Variants in BNC2 observed in about 807,000 individuals in gnomAD.
BNC2 encodes the protein zinc finger protein basonuclin-2.
A neutral mutation model predicts 76.3 loss-of-function variants in BNC2; 20 were observed. The observed-to-expected ratio is 0.26, with a 90% CI of 0.18 to 0.38. The LOEUF is 0.38. BNC2 is among the 10% of genes least tolerant of loss of function. The probability of loss-of-function intolerance (pLI) is 1.00; values close to 1 mark genes in which losing one functional copy is unlikely to be tolerated. For synonymous variants in BNC2, 582 were observed against 514.8 expected (o/e 1.13, Z -1.77); for missense variants, 1,382 against 1,399.8 (o/e 0.99, Z 0.20).
chr9:16,416,325 T>A lies in BNC2; in HGVS notation c.*2664A>T, dbSNP rs1452998488. The stretch of plus-strand genomic sequence containing the variant: ...TAATGTTTTGTTGGGATATTAAAAA[T>A]CTTTTCCCACCCTTTTTGAATCTAA... On this transcript the variant is annotated 3_prime_UTR_variant, in exon 7 of 7. Coordinates refer to ENST00000380672, the MANE Select transcript of BNC2 (RefSeq NM_017637.6). 1.3e-5 allele frequency: 2 copies of A among 152,624 alleles called. No homozygotes were observed. Among genetic ancestry groups the A allele is most frequent in the African/African-American group, 4.8e-5 (2 of 41,458 alleles). 9.5% of individuals were successfully genotyped at this position (152,624 alleles called of 1,614,324 possible). A position where few individuals can be genotyped will look rare whatever the true frequency, so the allele number is the denominator to read the frequency against.
chr9:16,777,058 G>A (rs1195431009), intron 1 of BNC2, among the ~76,000 whole-genome samples: 5 of 152,134 alleles, frequency 3.3e-5, no homozygotes, highest in South Asian at 2.1e-4. Context: ...CCTAGGAGGC[G>A]GAGGTTGCAG....
chr9:16,429,911 T>A (rs781694068), intron 6 of BNC2: 1 of 510,492 alleles, frequency 2.0e-6, no homozygotes, highest in South Asian at 1.4e-5. Context: ...AGGAGGTCAT[T>A]AGGAAGATCC....
chr9:16,657,554 G>C (rs935714437), intron 3 of BNC2, among the ~76,000 whole-genome samples: 1 of 152,152 alleles, frequency 6.6e-6, no homozygotes, highest in Non-Finnish European at 1.5e-5. Flanking sequence ...GTTCTGAATG[G>C]AAGTTGAGAG....
chr9:16,778,923 G>A (rs542825291), intron 1 of BNC2, among the ~76,000 whole-genome samples: 5 of 152,130 alleles, frequency 3.3e-5, no homozygotes, highest in African/African-American at 7.2e-5. Flanking sequence ...AACATAAAAC[G>A]ATATTTTTAG....
At chr9:16,486,904 T>C (rs1218947583) in intron 5 of BNC2, among the ~76,000 whole-genome samples, 1 of 152,076 alleles carries the variant, frequency 6.6e-6, no homozygotes, top group African/African-American at 2.4e-5. Context: ...TTTATAGAGA[T>C]AACGTCTCGC....
At chr9:16,438,147 T>C (rs1821057989) in intron 5 of BNC2, among the ~76,000 whole-genome samples, 1 of 152,168 alleles carries the variant, frequency 6.6e-6, no homozygotes, top group African/African-American at 2.4e-5. Context: ...TATCATTTAA[T>C]AGCAGGCAAT....
chr9:16,470,128 G>C (rs1821790947), intron 5 of BNC2, among the ~76,000 whole-genome samples: 1 of 151,048 alleles, frequency 6.6e-6, no homozygotes, highest in Non-Finnish European at 1.5e-5. Context: ...CTCCTGAGTA[G>C]CTGGGACTAC....
intron 5 of BNC2, among the ~76,000 whole-genome samples, chr9:16,461,867 C>T (rs990845424): frequency 1.3e-5 from 2 of 152,192 alleles, no homozygotes; most frequent in African/African-American, 4.8e-5. Context: ...GAGCTGGAAG[C>T]CTGCTCACTT....
intron 5 of BNC2, among the ~76,000 whole-genome samples, chr9:16,544,737 G>C (rs1818424765): frequency 1.3e-5 from 2 of 151,154 alleles, no homozygotes; most frequent in South Asian, 4.2e-4. Context: ...CCGAATCCAG[G>C]AGATGGGGGT....
Position 16,437,402 on chromosome 9 carries a change from C to T in BNC2, c.792G>A (p.Gln264=), listed in dbSNP as rs1563783398. 1 of 1,611,506 alleles carries T rather than the reference C, an allele frequency of 6.2e-7. No individual in the cohort carries two copies. Among genetic ancestry groups the T allele is most frequent in the African/African-American group, 1.3e-5 (1 of 74,810 alleles). Residue 264 remains glutamine, a synonymous_variant, in exon 6 of 7, where the codon CAG becomes CAA. Coordinates refer to ENST00000380672, the MANE Select transcript of BNC2 (RefSeq NM_017637.6). ...CAGCCACGGCCTGCCCTTCTTTCTC[C>T]TGAATTGCCATCAGCTCCACAATGG... is the stretch of plus-strand genomic sequence containing the variant. The part of the protein sequence containing the change: ...TKSIVELMAI[Q]EKEGQAVAVP...
intron 3 of BNC2, among the ~76,000 whole-genome samples, chr9:16,624,195 G>A (rs1023729461): frequency 1.3e-5 from 2 of 152,228 alleles, no homozygotes; most frequent in East Asian, 1.9e-4. Flanking sequence ...TAAGCTAGAC[G>A]AAGTATTTAT....
At chr9:16,778,600 C>G (rs183760436) in intron 1 of BNC2, among the ~76,000 whole-genome samples, 1 of 152,274 alleles carries the variant, frequency 6.6e-6, no homozygotes, top group African/African-American at 2.4e-5. Context: ...CTGTATTTTG[C>G]AGATAAAAGG....
chr9:16,766,579 A>C (rs1825701476), intron 1 of BNC2, among the ~76,000 whole-genome samples: 1 of 152,208 alleles, frequency 6.6e-6, no homozygotes. Flanking sequence ...TCAAATGGCT[A>C]ACAGCTGGTA....
chr9:16,740,857 G>A (rs10810603), intron 1 of BNC2, among the ~76,000 whole-genome samples: 34,970 of 150,340 alleles, frequency 0.23, 4,915 homozygotes, highest in East Asian at 0.73. Context: ...GGAGAAAAAA[G>A]AAACCCTTTT....
At chr9:16,438,997 G>T (rs528074882) in intron 5 of BNC2, among the ~76,000 whole-genome samples, 1 of 152,230 alleles carries the variant, frequency 6.6e-6, no homozygotes, top group Admixed American at 6.5e-5. Context: ...GAATCATGGG[G>T]GTGAGTCTTT....
intron 5 of BNC2, among the ~76,000 whole-genome samples, chr9:16,439,470 T>C (rs927663852): frequency 1.3e-5 from 2 of 152,162 alleles, no homozygotes; most frequent in East Asian, 1.9e-4. Flanking sequence ...TTAGCAACAT[T>C]TGAATAAAGT....
chr9:16,723,630 T>C (rs1824232193), intron 3 of BNC2, among the ~76,000 whole-genome samples: 1 of 152,166 alleles, frequency 6.6e-6, no homozygotes, highest in Non-Finnish European at 1.5e-5. Context: ...AAATGGATTC[T>C]AGCAATGTTA....
chr9:16,545,808 C>T (rs1400255655), intron 5 of BNC2, among the ~76,000 whole-genome samples: 1 of 152,186 alleles, frequency 6.6e-6, no homozygotes, highest in East Asian at 1.9e-4. Flanking sequence ...GAACCTTCAT[C>T]TTCTCTCAGG....
intron 1 of BNC2, among the ~76,000 whole-genome samples, chr9:16,848,748 G>A (rs894829167): frequency 9.2e-5 from 14 of 152,114 alleles, no homozygotes; most frequent in African/African-American, 3.4e-4. Flanking sequence ...AAGTTTACAG[G>A]CTGAGCATCC....
Sources: gnomAD v4.1 joint callset for allele counts (sites outside exome capture counted in the v4.1 genomes callset) on GRCh38, gnomAD v4.1.1 for gene constraint, MANE v1.5 for transcripts, NCBI Gene and HGNC (gene_info 2026-07-23, HGNC 2026-07-21) for gene names.